The following CYTH1 variants were observed in gnomAD, a reference collection of about 807,000 sequenced individuals.
CYTH1 encodes the protein cytohesin-1.
In CYTH1, 18 loss-of-function variants were observed where a neutral mutation model predicts 61.8. The ratio of observed to expected loss-of-function variants is 0.29; its 90% CI spans 0.20 to 0.43. The LOEUF (loss-of-function observed/expected upper bound fraction) is 0.43. Ranked by LOEUF, CYTH1 falls within the 20% of genes least tolerant of loss-of-function variation. The pLI is 1.00. For missense variants in CYTH1, 336 were observed against 510.5 expected (o/e 0.66, Z 3.29); for synonymous variants, 174 against 184.3 (o/e 0.94, Z 0.45).
At chr17:78,681,154 G>A (rs2092757991) in intron 11 of CYTH1, 112 bp from the exon 12 acceptor site, 1 of 1,060,162 alleles carries the variant, frequency 9.4e-7, no homozygotes, top group Non-Finnish European at 1.4e-6. Context: ...AGGACATGAA[G>A]TTCATAAATC....
At chr17:78,731,737 G>A (rs1188457810) in intron 1 of CYTH1, among the ~76,000 whole-genome samples, 13 of 127,534 alleles carry the variant, frequency 1.0e-4, no homozygotes, top group African/African-American at 3.0e-4. Flanking sequence ...CAGCCTGGGC[G>A]ACAGCGAGAC....
intron 11 of CYTH1, among the ~76,000 whole-genome samples, chr17:78,686,017 T>C (rs2092813246): frequency 6.6e-6 from 1 of 152,210 alleles, no homozygotes; most frequent in African/African-American, 2.4e-5. Context: ...GGTGTCTTCT[T>C]TGATTTGCAG....
intron 3 of CYTH1, among the ~76,000 whole-genome samples, chr17:78,707,655 CT>C (rs2093081866): frequency 1.3e-5 from 2 of 151,698 alleles, no homozygotes; most frequent in South Asian, 4.2e-4. Flanking sequence ...TTAAGGCTTT[CT>C]GGGACCTTTG....
chr17:78,690,819 C>A (rs1567831834), intron 11 of CYTH1, among the ~76,000 whole-genome samples: 1 of 152,118 alleles, frequency 6.6e-6, no homozygotes, highest in Non-Finnish European at 1.5e-5. Context: ...TCACGAAAAA[C>A]CACAAGATTC....
intron 11 of CYTH1, among the ~76,000 whole-genome samples, chr17:78,682,441 G>A (rs1000386295): frequency 2.0e-5 from 3 of 152,044 alleles, no homozygotes; most frequent in South Asian, 2.1e-4. Flanking sequence ...CTTGATACTC[G>A]GTAAACTGCT....
intron 1 of CYTH1, among the ~76,000 whole-genome samples, chr17:78,759,065 T>C (rs1383190153): frequency 6.6e-6 from 1 of 152,162 alleles, no homozygotes; most frequent in Admixed American, 6.5e-5. Flanking sequence ...ACAACACCAC[T>C]GCACTCCAGC....
At chr17:78,772,634 T>C (rs751705996) in intron 1 of CYTH1, among the ~76,000 whole-genome samples, 71 of 152,038 alleles carry the variant, frequency 4.7e-4, no homozygotes, top group Admixed American at 8.5e-4. Context: ...GCCTCCCAGG[T>C]TCAAGCAATT....
At chr17:78,680,752 C>T (rs2092752552) in intron 12 of CYTH1, among the ~76,000 whole-genome samples, 1 of 152,214 alleles carries the variant, frequency 6.6e-6, no homozygotes, top group Admixed American at 6.5e-5. Flanking sequence ...AACTTCTACA[C>T]CCCATGTGAC....
chr17:78,766,850 G>C (rs1900204327), intron 1 of CYTH1, among the ~76,000 whole-genome samples: 1 of 152,174 alleles, frequency 6.6e-6, no homozygotes, highest in South Asian at 2.1e-4. Context: ...AGCCAGTATA[G>C]AAAAAGCCCA....
intron 1 of CYTH1, among the ~76,000 whole-genome samples, chr17:78,731,977 T>C (rs1018898536): frequency 2.6e-5 from 4 of 152,158 alleles, no homozygotes; most frequent in African/African-American, 9.7e-5. Context: ...ATGCAGGTTC[T>C]GTCAGCCTGC....
intron 1 of CYTH1, among the ~76,000 whole-genome samples, chr17:78,740,191 C>T (rs2093336903): frequency 6.6e-6 from 1 of 152,204 alleles, no homozygotes; most frequent in South Asian, 2.1e-4. Context: ...CCACCTTGGC[C>T]TCCCAAAGTG....
At chr17:78,692,391 C>A (rs780238056) in intron 11 of CYTH1, 26 bp downstream of exon 11, 2 of 1,613,606 alleles carry the variant, frequency 1.2e-6, no homozygotes, top group Admixed American at 1.7e-5. Flanking sequence ...CATCCCTAGT[C>A]TGGAGGCCGA....
At chr17:78,706,972 C>T (rs1266982449) in intron 3 of CYTH1, among the ~76,000 whole-genome samples, 3 of 152,206 alleles carry the variant, frequency 2.0e-5, no homozygotes, top group Non-Finnish European at 4.4e-5. Context: ...TACTTCTAAT[C>T]TGTTGCCTGT....
chr17:78,718,217 A>C (rs2093198467), intron 1 of CYTH1, among the ~76,000 whole-genome samples: 1 of 101,516 alleles, frequency 9.9e-6, no homozygotes. Context: ...TAAACACTGA[A>C]TACACACACA....
At chr17:78,760,382 T>C (rs552212732) in intron 1 of CYTH1, among the ~76,000 whole-genome samples, 2,093 of 51,666 alleles carry the variant, frequency 0.041, 130 homozygotes, top group Admixed American at 0.092. Context: ...TATATATATA[T>C]ATACACACAC....
intron 1 of CYTH1, among the ~76,000 whole-genome samples, chr17:78,760,855 A>G (rs2093425965): frequency 6.6e-6 from 1 of 151,836 alleles, no homozygotes; most frequent in South Asian, 2.1e-4. Flanking sequence ...TTCCCAATAA[A>G]CCCATCGTAA....
intron 13 of CYTH1, chr17:78,676,764 G>A (rs2092704175): frequency 1.7e-5 from 6 of 348,006 alleles, no homozygotes; most frequent in South Asian, 1.3e-4. Context: ...GGGGGCCCGA[G>A]CTCATGCTTG....
chr17:78,708,021 A>C (rs182619916), intron 3 of CYTH1, among the ~76,000 whole-genome samples, 176 bp downstream of exon 3: 1 of 152,302 alleles, frequency 6.6e-6, no homozygotes, highest in Admixed American at 6.5e-5. Context: ...TCCTATGTTC[A>C]GGAGGCCTTG....
chr17:78,758,231 T>A (rs1443228035), intron 1 of CYTH1, among the ~76,000 whole-genome samples: 2 of 152,238 alleles, frequency 1.3e-5, no homozygotes, highest in African/African-American at 4.8e-5. Flanking sequence ...CTATGCTCCA[T>A]CTATATCATG....
Sources: gnomAD v4.1 joint callset for allele counts (sites outside exome capture counted in the v4.1 genomes callset) on GRCh38, gnomAD v4.1.1 for gene constraint, MANE v1.5 for transcripts, NCBI Gene and HGNC (gene_info 2026-07-23, HGNC 2026-07-21) for gene names.